FSTL4: variants seen among roughly 807,000 people sequenced by gnomAD.
FSTL4 encodes the protein follistatin like 4.
FSTL4 carries 28 observed loss-of-function variants against 78.2 expected under a neutral mutation model. The observed-to-expected ratio is 0.36, with a 90% CI of 0.27 to 0.49. FSTL4 has a LOEUF of 0.49. Among genes scored for constraint, FSTL4 ranks in the 20% least tolerant of loss-of-function variants. FSTL4 has a pLI of 0.98. For missense variants in FSTL4, 922 were observed against 1,084.9 expected (o/e 0.85, Z 2.11); for synonymous variants, 422 against 440.5 (o/e 0.96, Z 0.53).
rs1761116325 is a variant in FSTL4 at position 133,612,337 on chromosome 5, G to A, written c.-23C>T. On this transcript the variant is annotated 5_prime_UTR_variant, in exon 1 of 16. Coordinates refer to ENST00000265342, the MANE Select transcript of FSTL4 (RefSeq NM_015082.2). The surrounding 1 kb of genome is among the most constrained non-coding windows in gnomAD (Gnocchi z 6.2). ...TGCGCCCGCGTACCTGAGACGGCCG[G>A]GGCCGAGGGGAAGACCAGGTGGCCG... 6.6e-6 allele frequency: 1 copy of A among 151,932 alleles called. No homozygotes were observed. Among genetic ancestry groups the A allele is most frequent in the African/African-American group, 2.4e-5 (1 of 41,394 alleles). 9.4% of individuals were successfully genotyped at this position (151,932 alleles called of 1,614,324 possible).
chr5:133,386,746 G>A (rs189397320), intron 4 of FSTL4, among the ~76,000 whole-genome samples: 250 of 152,304 alleles, frequency 1.6e-3, no homozygotes, highest in African/African-American at 5.8e-3. Context: ...TGGAGAGACA[G>A]AAAGGTGTGA....
At chr5:133,729,273 C>T in the FSTL4 span, among the ~76,000 whole-genome samples, 1 of 151,502 alleles carries the variant, frequency 6.6e-6, no homozygotes, top group African/African-American at 2.4e-5. Flanking sequence ...ATACCCCTGT[C>T]CAGGCAGCCA....
the FSTL4 span, among the ~76,000 whole-genome samples, chr5:133,705,893 T>A: frequency 2.2e-5 from 3 of 135,420 alleles, no homozygotes; most frequent in African/African-American, 8.8e-5. Flanking sequence ...ACACACACAC[T>A]GTGGCTCTAG....
chr5:133,461,999 A>G (rs1164601427), intron 3 of FSTL4, among the ~76,000 whole-genome samples: 1 of 152,198 alleles, frequency 6.6e-6, no homozygotes, highest in Non-Finnish European at 1.5e-5. Context: ...GCTGCCAGCC[A>G]TGATATGAGA....
chr5:133,466,536 T>C (rs1440001443), intron 3 of FSTL4, among the ~76,000 whole-genome samples: 4 of 150,638 alleles, frequency 2.7e-5, no homozygotes, highest in Non-Finnish European at 4.4e-5. Flanking sequence ...AGCGAGACTC[T>C]GTCTCAAAAA....
chr5:133,729,452 G>A, the FSTL4 span, among the ~76,000 whole-genome samples: 21 of 152,132 alleles, frequency 1.4e-4, 1 homozygote, highest in South Asian at 1.2e-3. Flanking sequence ...TAATGCATAT[G>A]GAATTTTAGC....
chr5:133,798,280 T>TG, the FSTL4 span, among the ~76,000 whole-genome samples: 1 of 152,206 alleles, frequency 6.6e-6, no homozygotes, highest in African/African-American at 2.4e-5. Flanking sequence ...TCTAGAGGTT[T>TG]GGAATGTTAT....
rs185034705 is a variant in FSTL4, at chr5:133,294,073, C to T, written c.727+18581G>A. On this transcript the variant is annotated intron_variant, in intron 6 of 15. Transcript: ENST00000265342. The stretch of plus-strand genomic sequence containing the variant: ...CCCATACCTGCCTGTGAAATCCCAT[C>T]GTGCCCTCCTTTGTGAAGACTAATA... Among the ~76,000 whole-genome samples, 208 of 152,324 alleles carry T rather than the reference C, an allele frequency of 1.4e-3. 3 individuals carry two copies. Among genetic ancestry groups the T allele is most frequent in the African/African-American group, 3.5e-3 (146 of 41,572 alleles).
chr5:133,207,550 T>TCAAA (rs1750559509), intron 14 of FSTL4, among the ~76,000 whole-genome samples: 1 of 152,262 alleles, frequency 6.6e-6, no homozygotes, highest in Admixed American at 6.5e-5. Context: ...ACTACCAATT[T>TCAAA]CAAACAACAT....
At chr5:133,252,852 C>T (rs1243735994) in intron 6 of FSTL4, among the ~76,000 whole-genome samples, 1 of 152,156 alleles carries the variant, frequency 6.6e-6, no homozygotes, top group Non-Finnish European at 1.5e-5. Context: ...CTGTGTCCCT[C>T]CGGTCCTCTG....
intron 2 of FSTL4, among the ~76,000 whole-genome samples, chr5:133,601,820 A>G (rs899388189): frequency 1.3e-5 from 2 of 151,684 alleles, no homozygotes; most frequent in African/African-American, 2.4e-5. Flanking sequence ...AGTAGCTGGG[A>G]CTACAGGAGT....
chr5:133,350,628 G>A (rs1412459593), intron 4 of FSTL4, among the ~76,000 whole-genome samples: 2 of 152,214 alleles, frequency 1.3e-5, no homozygotes, highest in Admixed American at 1.3e-4. Context: ...CAAATGATAA[G>A]TTTTGCTGTC....
intron 6 of FSTL4, among the ~76,000 whole-genome samples, chr5:133,270,448 T>C (rs1265767859): frequency 3.3e-5 from 5 of 152,234 alleles, no homozygotes; most frequent in Admixed American, 6.5e-5. Flanking sequence ...ATAAAGAGAC[T>C]GTGCCACAGA....
intron 4 of FSTL4, among the ~76,000 whole-genome samples, chr5:133,329,977 T>C (rs915628544): frequency 1.3e-5 from 2 of 152,172 alleles, no homozygotes; most frequent in Non-Finnish European, 2.9e-5. Flanking sequence ...CAATTGTAGA[T>C]TCTGTTTACT....
At chr5:133,627,525 G>A in the FSTL4 span, among the ~76,000 whole-genome samples, 1 of 152,144 alleles carries the variant, frequency 6.6e-6, no homozygotes, top group Non-Finnish European at 1.5e-5. Flanking sequence ...TTTGTGTGGG[G>A]ACACAGCCAA....
chr5:133,517,447 A>AAAAAAAAAAAAAATATAT (rs1554068019), intron 3 of FSTL4, among the ~76,000 whole-genome samples: 1 of 16,400 alleles, frequency 6.1e-5, no homozygotes, highest in African/African-American at 2.8e-4. Flanking sequence ...AAAAAAAAAA[A>AAAAAAAAAAAAAATATAT]ATATATATAT....
chr5:133,478,488 G>A (rs1030756444), intron 3 of FSTL4, among the ~76,000 whole-genome samples: 3 of 152,170 alleles, frequency 2.0e-5, no homozygotes, highest in Admixed American at 6.6e-5. Flanking sequence ...TTATTTTGCT[G>A]TAGTTGTTAG....
intron 3 of FSTL4, among the ~76,000 whole-genome samples, chr5:133,563,685 G>T (rs12651863): frequency 0.015 from 2,237 of 152,318 alleles, 46 homozygotes; most frequent in Admixed American, 0.058. Context: ...CTAGGGCAGG[G>T]TTTGCAAAAG....
chr5:133,237,120 C>T (rs1268409471), intron 7 of FSTL4, among the ~76,000 whole-genome samples: 1 of 152,194 alleles, frequency 6.6e-6, no homozygotes, highest in Non-Finnish European at 1.5e-5. Flanking sequence ...CCCAGCCACA[C>T]AGGCTCAAAA....
Sources: gnomAD v4.1 joint callset for allele counts (sites outside exome capture counted in the v4.1 genomes callset) on GRCh38, gnomAD v4.1.1 for gene constraint, Gnocchi (gnomAD v3.1) non-coding constraint, MANE v1.5 for transcripts, NCBI Gene and HGNC (gene_info 2026-07-23, HGNC 2026-07-21) for gene names.